Variants in ZDHHC17 observed in about 807,000 individuals in gnomAD.
ZDHHC17 encodes the protein zDHHC palmitoyltransferase 17.
A neutral mutation model predicts 90.3 loss-of-function variants in ZDHHC17; 40 were observed. The ratio of observed to expected loss-of-function variants is 0.44; its 90% confidence interval spans 0.34 to 0.58. The LOEUF is 0.58. Among genes scored for constraint, ZDHHC17 ranks in the 20% least tolerant of loss-of-function variants. ZDHHC17 has a pLI of 0.01. For missense variants in ZDHHC17, 614 were observed against 780.8 expected (o/e 0.79, Z 2.55); for synonymous variants, 235 against 252.4 (o/e 0.93, Z 0.65).
At chr12:76,797,391 T>C (rs1016698030) in intron 1 of ZDHHC17, 43 bp from the exon 2 acceptor site, 1 of 1,408,554 alleles carries the variant, frequency 7.1e-7, no homozygotes, top group South Asian at 1.3e-5. Context: ...TTTCTGTACC[T>C]CTTTTTTCAA....
Position 76,803,808 on chromosome 12 carries a change from G to C in ZDHHC17, c.198-1509G>C, listed in dbSNP as rs540093693. On this transcript the variant is annotated intron_variant, in intron 2 of 16. Transcript: ENST00000426126. ...GCTGGGTTTGAATCAGCACTCTTCT[G>C]GTGGTCAACTATTAGTGAGAATGTG... 2.0e-5 allele frequency among the ~76,000 whole-genome samples: 3 copies of C among 152,240 alleles called. No homozygotes were observed. The East Asian group carries it at 5.8e-4, about 29-fold the overall frequency.
In ZDHHC17 at chr12:76,819,993, T is replaced by TA. The variant is rs71085459; in HGVS notation, c.772-2393dup. 3.4e-3 allele frequency among the ~76,000 whole-genome samples: 480 copies of TA among 140,764 alleles called. 3 individuals carry two copies. Among genetic ancestry groups the TA allele is most frequent in the Non-Finnish European group, 4.4e-3 (282 of 64,628 alleles). The allele number at this position is 140,764 out of a possible 152,430, so 92.3% of individuals were successfully genotyped here. A position where few individuals can be genotyped will look rare whatever the true frequency, so the allele number is the denominator to read the frequency against. On this transcript the variant is annotated intron_variant, in intron 7 of 16. Transcript: ENST00000426126. Reference sequence around the variant, plus strand: ...GGGCAACAAGAGTGAAACTATGTCTTAAAAAAAAAAAAAAAAAAAAGACAA... The same window carrying TA: ...GGGCAACAAGAGTGAAACTATGTCTTAAAAAAAAAAAAAAAAAAAAAGACAA...
intron 14 of ZDHHC17, among the ~76,000 whole-genome samples, chr12:76,847,412 T>A (rs533267857): frequency 6.6e-6 from 1 of 152,368 alleles, no homozygotes; most frequent in African/African-American, 2.4e-5. Context: ...CAAAGGAGGT[T>A]ACCACCTCAG....
chr12:76,788,695 T>A lies in ZDHHC17; in HGVS notation c.94-8739T>A, dbSNP rs1423676462. Among the ~76,000 whole-genome samples the A allele has an allele frequency of 2.4e-4, 31 of 128,276 alleles. 7 individuals carry two copies. The East Asian group carries it at 3.4e-3, about 14-fold the overall frequency. The allele number at this position is 128,276 out of a possible 152,430, so 84.2% of individuals were successfully genotyped here. On this transcript the variant is annotated intron_variant, in intron 1 of 16. Transcript: ENST00000426126. ...ATTTAAGTTGGAATCGCAATTTTTT[T>A]TTTTTTTTTTTTTTTTTTTGAGCAG...
chr12:76,849,742 A>T (rs1466666213), intron 16 of ZDHHC17: 1 of 203,486 alleles, frequency 4.9e-6, no homozygotes, highest in African/African-American at 2.3e-5. Context: ...TAAGTATATG[A>T]AATATTTAAA....
At chr12:76,845,869 A>T in intron 13 of ZDHHC17, 67 bp downstream of exon 13, 1 of 863,590 alleles carries the variant, frequency 1.2e-6, no homozygotes, top group Non-Finnish European at 1.9e-6. Context: ...AATAAAGTAT[A>T]ATATTAAAGT....
Position 76,768,184 on chromosome 12 carries a change from A to C in ZDHHC17, c.93+3855A>C, listed in dbSNP as rs77565593. Among the ~76,000 whole-genome samples, 41 of 152,324 alleles carry C rather than the reference A, an allele frequency of 2.7e-4. No homozygotes were observed. In the East Asian group the frequency reaches 7.9e-3, roughly 29 times the overall value. ...TGCTGTTACTTTGTTTTCTTTTGAA[A>C]TAGGTGATTATTTGTTTTATTGAAA... On this transcript the variant is annotated intron_variant, in intron 1 of 16. Transcript: ENST00000426126.
At position 76,822,640 on chromosome 12, in the gene ZDHHC17, T is replaced by C. The variant is rs546240645; in HGVS notation, c.897+109T>C. On this transcript the variant is annotated intron_variant, in intron 8 of 16. Coordinates refer to ENST00000426126, the MANE Select transcript of ZDHHC17 (RefSeq NM_015336.4). ...CGAGATTTTGGCTCACTGCAATCCC[T>C]GCCTCTCGGTTTAAAGTGATTCTTG... 65 of 818,226 alleles carry C rather than the reference T, an allele frequency of 7.9e-5. 1 individual carries two copies. In the South Asian group the frequency reaches 1.1e-3, roughly 13 times the overall value. 50.7% of individuals were successfully genotyped at this position (818,226 alleles called of 1,614,324 possible). A position where few individuals can be genotyped will look rare whatever the true frequency, so the allele number is the denominator to read the frequency against.
chr12:76,828,646 A>T (rs2137786864), intron 10 of ZDHHC17, among the ~76,000 whole-genome samples, 156 bp downstream of exon 10: 1 of 152,314 alleles, frequency 6.6e-6, no homozygotes, highest in South Asian at 2.1e-4. Context: ...TAATGTTTTT[A>T]AATATTTAAT....
At position 76,850,838 on chromosome 12, in the gene ZDHHC17, T is replaced by C. The variant is rs2137811937; in HGVS notation, c.1761-9T>C. On this transcript the variant is annotated splice_polypyrimidine_tract_variant and intron_variant, in intron 16 of 16. Transcript: ENST00000426126. ...CTGACGTGTTTTCTTTTTGGGGTGC[T>C]GTTTTTAGCCATGGATGTGTAAGAA... The C allele has an allele frequency of 6.2e-7, 1 of 1,611,480 alleles. No individual in the cohort carries two copies. The highest frequency in any genetic ancestry group is 8.5e-7 in the Non-Finnish European group (1 of 1,179,112).
At chr12:76,843,428 T>G (rs1953458514) in intron 12 of ZDHHC17, among the ~76,000 whole-genome samples, 1 of 152,036 alleles carries the variant, frequency 6.6e-6, no homozygotes, top group African/African-American at 2.4e-5. Context: ...GTAGGTGGTT[T>G]TTTTTGTTTT....
At chr12:76,778,097 G>A (rs530962659) in intron 1 of ZDHHC17, among the ~76,000 whole-genome samples, 2 of 152,306 alleles carry the variant, frequency 1.3e-5, no homozygotes, top group South Asian at 4.1e-4. Context: ...ACATGACTCT[G>A]GTGTTGACCA....
intron 1 of ZDHHC17, among the ~76,000 whole-genome samples, chr12:76,790,911 AGACT>A (rs66813271): frequency 0.4 from 60,460 of 151,624 alleles, 12,317 homozygotes; most frequent in East Asian, 0.65. Context: ...ATAGTATTAC[AGACT>A]GACTAACAAT....
chr12:76,816,480 G>A (rs528203098), intron 7 of ZDHHC17, among the ~76,000 whole-genome samples: 27 of 152,096 alleles, frequency 1.8e-4, no homozygotes, highest in African/African-American at 6.0e-4. Context: ...CTCGTTCTGC[G>A]AAATTACTTT....
intron 8 of ZDHHC17, among the ~76,000 whole-genome samples, chr12:76,825,971 A>G (rs888620650): frequency 7.9e-5 from 12 of 151,966 alleles, no homozygotes; most frequent in African/African-American, 2.9e-4. Context: ...GGTGCGTGCT[A>G]CCATGCCCAG....
intron 16 of ZDHHC17, among the ~76,000 whole-genome samples, chr12:76,850,176 A>G (rs528649402): frequency 1.3e-5 from 2 of 151,894 alleles, no homozygotes; most frequent in African/African-American, 2.4e-5. Context: ...CGGCCTCCCA[A>G]AGTGCTAGGA....
intron 10 of ZDHHC17, among the ~76,000 whole-genome samples, chr12:76,832,542 T>G (rs1426243459): frequency 1.3e-5 from 2 of 152,264 alleles, no homozygotes; most frequent in Non-Finnish European, 2.9e-5. Context: ...AGTTGATCAC[T>G]ACATAACCTT....
intron 14 of ZDHHC17, 50 bp downstream of exon 14, chr12:76,846,729 A>C: frequency 7.0e-7 from 1 of 1,426,188 alleles, no homozygotes; most frequent in Non-Finnish European, 9.7e-7. Context: ...CTGCATACTT[A>C]GATTATACTT....
chr12:76,847,420 C>T (rs1953507452), intron 14 of ZDHHC17, among the ~76,000 whole-genome samples: 1 of 152,192 alleles, frequency 6.6e-6, no homozygotes, highest in Admixed American at 6.5e-5. Flanking sequence ...GTTACCACCT[C>T]AGTTAAAGAT....
Sources: gnomAD v4.1 joint callset for allele counts (sites outside exome capture counted in the v4.1 genomes callset) on GRCh38, gnomAD v4.1.1 for gene constraint, MANE v1.5 for transcripts, NCBI Gene and HGNC (gene_info 2026-07-23, HGNC 2026-07-21) for gene names.